HIP1: variants seen among roughly 807,000 people sequenced by gnomAD.
The protein encoded by HIP1 is huntingtin-interacting protein 1.
HIP1 carries 65 observed loss-of-function variants against 147.6 expected under a neutral mutation model. The ratio of observed to expected loss-of-function variants is 0.44; its 90% confidence interval spans 0.36 to 0.54. The LOEUF (loss-of-function observed/expected upper bound fraction) is 0.54, where lower values mean the gene tolerates loss of function less well. Ranked by LOEUF, HIP1 falls within the 20% of genes least tolerant of loss-of-function variation. The pLI is 0.00. For missense variants in HIP1, 1,061 were observed against 1,299.6 expected (o/e 0.82, Z 2.82); for synonymous variants, 479 against 504.0 (o/e 0.95, Z 0.67).
chr7:75,603,610 G>A (rs1052327358), intron 1 of HIP1, among the ~76,000 whole-genome samples: 1 of 151,994 alleles, frequency 6.6e-6, no homozygotes, highest in East Asian at 1.9e-4. Flanking sequence ...CAGTCAGGAA[G>A]GAATCTCTGG....
At chr7:75,566,754 T>C (rs1234480361) in intron 9 of HIP1, among the ~76,000 whole-genome samples, 1 of 151,196 alleles carries the variant, frequency 6.6e-6, no homozygotes, top group Non-Finnish European at 1.5e-5. Flanking sequence ...GGATTGGACA[T>C]GGGGGATGAG....
chr7:75,715,476 GAGAGAGAGAGAA>G (rs1801288407), intron 1 of HIP1, among the ~76,000 whole-genome samples: 2 of 147,606 alleles, frequency 1.4e-5, no homozygotes, highest in Non-Finnish European at 3.0e-5. Flanking sequence ...GAGAGAGAGA[GAGAGAGAGAGAA>G]AGGCCAGGTG....
chr7:75,588,427 T>C (rs587689524), intron 4 of HIP1, among the ~76,000 whole-genome samples: 2 of 152,316 alleles, frequency 1.3e-5, no homozygotes, highest in East Asian at 3.9e-4. Flanking sequence ...CTTTGGTTCA[T>C]ATATCTAAAG....
In HIP1 at chr7:75,539,367, T is replaced by C; in HGVS notation, c.3017A>G (p.Lys1006Arg). Residue 1006 changes from lysine to arginine, a missense_variant, in exon 30 of 31, where the codon AAA (lysine) becomes AGA (arginine). Around this residue, in one of 3 missense-constraint regions of HIP1, gnomAD observed 810 missense variants for 946.8 expected, o/e 0.86. Transcript: ENST00000336926. ...KERQKLGELR[K>R]KHYELAGVAE... is the part of the protein sequence containing the mutation. Reference sequence around the variant, plus strand: ...AACACCAGCAAGCTCGTAGTGCTTTTTCCGAAGCTCTCCCAGTTTTTGACG... The same window carrying C: ...AACACCAGCAAGCTCGTAGTGCTTTCTCCGAAGCTCTCCCAGTTTTTGACG... 1.9e-6 allele frequency: 3 copies of C among 1,614,240 alleles called. No individual in the cohort carries two copies. Among genetic ancestry groups the C allele is most frequent in the Non-Finnish European group, 2.5e-6 (3 of 1,180,038 alleles).
chr7:75,566,219 A>G (rs1157602351), intron 9 of HIP1, among the ~76,000 whole-genome samples: 1 of 149,838 alleles, frequency 6.7e-6, no homozygotes, highest in Middle Eastern at 3.2e-3. Flanking sequence ...ACGGGGTTTC[A>G]CCATGTTGGC....
At chr7:75,564,965 G>C (rs1405087752) in intron 9 of HIP1, among the ~76,000 whole-genome samples, 1 of 151,786 alleles carries the variant, frequency 6.6e-6, no homozygotes, top group African/African-American at 2.4e-5. Context: ...GAACGATCAA[G>C]GCTTGCTGCA....
chr7:75,544,934 G>C, intron 26 of HIP1, 134 bp from the exon 27 acceptor site: 1 of 742,016 alleles, frequency 1.3e-6, no homozygotes, highest in African/African-American at 1.7e-5. Context: ...TCCCCTGGGA[G>C]AGCCAGGCTC....
chr7:75,701,601 G>A (rs1298528390), intron 1 of HIP1, among the ~76,000 whole-genome samples: 1 of 152,010 alleles, frequency 6.6e-6, no homozygotes, highest in Non-Finnish European at 1.5e-5. Context: ...TGTAGTCCCA[G>A]CTACTCAGGA....
chr7:75,655,560 T>C (rs1799118831), intron 1 of HIP1, among the ~76,000 whole-genome samples: 1 of 150,816 alleles, frequency 6.6e-6, no homozygotes, highest in African/African-American at 2.4e-5. Flanking sequence ...CCAGCCTGGG[T>C]GACAGAGTGA....
chr7:75,538,688 C>T (rs1284989651), intron 30 of HIP1, among the ~76,000 whole-genome samples: 1 of 151,692 alleles, frequency 6.6e-6, no homozygotes, highest in South Asian at 2.1e-4. Context: ...CATTCTCCTG[C>T]CTCAGCCTCC....
Position 75,738,817 on chromosome 7 carries a change from C to A in HIP1, c.104G>T (p.Ser35Ile). The A allele has an allele frequency of 1.2e-6, 2 of 1,600,932 alleles. No homozygotes were observed. Among genetic ancestry groups the A allele is most frequent in the Non-Finnish European group, 1.7e-6 (2 of 1,175,556 alleles). Reference protein sequence around the residue: ...GAGLEAAERESFERTQTVSIN... With the variant: ...GAGLEAAEREIFERTQTVSIN... The stretch of plus-strand genomic sequence containing the variant: ...CGTCCTCACCTGAGTCCGCTCGAAG[C>A]TCTCGCGCTCCGCCGCCTCCAGCCC... Residue 35 changes from serine (S) to isoleucine (I), a missense_variant, in exon 1 of 31, where the codon AGC becomes ATC. Coordinates refer to ENST00000336926, the MANE Select transcript of HIP1 (RefSeq NM_005338.7).
At chr7:75,658,400 T>G (rs1450255853) in intron 1 of HIP1, among the ~76,000 whole-genome samples, 3 of 152,096 alleles carry the variant, frequency 2.0e-5, no homozygotes, top group African/African-American at 7.2e-5. Flanking sequence ...TCTTCTTCAT[T>G]TTTTGAAGGA....
chr7:75,664,672 G>C lies in HIP1; in HGVS notation c.121-65425C>G, dbSNP rs374073549. Reference sequence around the variant, plus strand: ...CCATTGCTCCATTGCCCAGGCTGGAGTGCAGTAGTACAATCTCGGCTCACT... The same window carrying C: ...CCATTGCTCCATTGCCCAGGCTGGACTGCAGTAGTACAATCTCGGCTCACT... On this transcript the variant is annotated intron_variant, in intron 1 of 30. Transcript: ENST00000336926. Among the ~76,000 whole-genome samples the C allele has an allele frequency of 2.0e-3, 305 of 151,996 alleles. 1 individual carries two copies. Among genetic ancestry groups the C allele is most frequent in the African/African-American group, 5.5e-3 (228 of 41,440 alleles).
intron 1 of HIP1, among the ~76,000 whole-genome samples, chr7:75,735,048 AAC>A (rs1801973688): frequency 6.6e-6 from 1 of 152,234 alleles, no homozygotes; most frequent in Non-Finnish European, 1.5e-5. Flanking sequence ...ATAATCACTG[AAC>A]TAGTGCTCCA....
At chr7:75,675,271 G>T (rs1178326110) in intron 1 of HIP1, among the ~76,000 whole-genome samples, 3 of 151,992 alleles carry the variant, frequency 2.0e-5, no homozygotes, top group Non-Finnish European at 4.4e-5. Context: ...TACCATCTCA[G>T]CTCACTGCAA....
intron 1 of HIP1, among the ~76,000 whole-genome samples, chr7:75,616,501 G>A (rs1797667244): frequency 6.6e-6 from 1 of 151,980 alleles, no homozygotes; most frequent in African/African-American, 2.4e-5. Context: ...TTGAGCTCCT[G>A]GCTTCTAGCG....
chr7:75,698,168 G>A (rs1800699826), intron 1 of HIP1, among the ~76,000 whole-genome samples: 1 of 152,020 alleles, frequency 6.6e-6, no homozygotes, highest in African/African-American at 2.4e-5. Flanking sequence ...ATCCTCCCAA[G>A]TCACGCTTTA....
At chr7:75,573,118 C>T (rs1795708628) in intron 8 of HIP1, among the ~76,000 whole-genome samples, 2 of 152,178 alleles carry the variant, frequency 1.3e-5, no homozygotes, top group Admixed American at 1.3e-4. Context: ...TGGGCCTGCC[C>T]ATGGACCAAT....
At chr7:75,631,730 G>C (rs781871486) in intron 1 of HIP1, among the ~76,000 whole-genome samples, 5 of 152,096 alleles carry the variant, frequency 3.3e-5, no homozygotes, top group Non-Finnish European at 7.4e-5. Context: ...AATCTTCTCC[G>C]ATTATGGAAA....
Sources: gnomAD v4.1 joint callset for allele counts (sites outside exome capture counted in the v4.1 genomes callset) on GRCh38, gnomAD v4.1.1 for gene constraint, gnomAD v4.1.1 regional missense constraint, MANE v1.5 for transcripts, NCBI Gene and HGNC (gene_info 2026-07-23, HGNC 2026-07-21) for gene names.